POLQ: variants seen among roughly 807,000 people sequenced by gnomAD.
POLQ encodes the protein epididymis secretory sperm binding protein.
A neutral mutation model predicts 259.2 loss-of-function variants in POLQ; 233 were observed. The ratio of observed to expected loss-of-function variants is 0.90; its 90% CI spans 0.81 to 1.00. The LOEUF is 1.00. Among genes scored for constraint, POLQ ranks in the 50% least tolerant of loss-of-function variants. POLQ has a pLI of 0.00. For missense variants in POLQ, 2,871 were observed against 3,051.6 expected (o/e 0.94, Z 1.39); for synonymous variants, 1,025 against 1,048.8 (o/e 0.98, Z 0.44).
chr3:121,448,686 C>G (rs1227412996), intron 26 of POLQ, among the ~76,000 whole-genome samples: 1 of 151,722 alleles, frequency 6.6e-6, no homozygotes, highest in Non-Finnish European at 1.5e-5. Flanking sequence ...GCTTCAGTAC[C>G]AATACAAGGG....
intron 27 of POLQ, among the ~76,000 whole-genome samples, 165 bp downstream of exon 27, chr3:121,439,825 CAT>C (rs1374853705): frequency 1.3e-5 from 2 of 152,228 alleles, no homozygotes; most frequent in African/African-American, 4.8e-5. Flanking sequence ...TGGCATGTGC[CAT>C]CACTTCAGAA....
At chr3:121,536,450 TTGCCTC>T (rs2108819864) in intron 5 of POLQ, among the ~76,000 whole-genome samples, 1 of 152,266 alleles carries the variant, frequency 6.6e-6, no homozygotes, top group East Asian at 1.9e-4. Flanking sequence ...TGAAAGGTAG[TTGCCTC>T]TGAGAAGTGA....
At chr3:121,446,575 A>G (rs1206115603) in intron 26 of POLQ, among the ~76,000 whole-genome samples, 1 of 152,128 alleles carries the variant, frequency 6.6e-6, no homozygotes, top group Non-Finnish European at 1.5e-5. Flanking sequence ...CTCTCTCTTT[A>G]GCTCTAATGA....
At chr3:121,469,365 T>C (rs2047865389) in intron 22 of POLQ, among the ~76,000 whole-genome samples, 1 of 152,198 alleles carries the variant, frequency 6.6e-6, no homozygotes, top group African/African-American at 2.4e-5. Flanking sequence ...ACTAAAACTC[T>C]ATTTTATGAC....
intron 6 of POLQ, among the ~76,000 whole-genome samples, chr3:121,530,143 G>T (rs559560752): frequency 7.6e-4 from 116 of 152,176 alleles, no homozygotes; most frequent in African/African-American, 2.7e-3. Flanking sequence ...AACTTAAAAT[G>T]ATTGGACTTT....
In POLQ at chr3:121,481,827, A is replaced by C. The variant is rs371363050; in HGVS notation, c.5971-15T>G. The C allele has an allele frequency of 2.5e-6, 4 of 1,577,770 alleles. No individual in the cohort carries two copies. The stretch of plus-strand genomic sequence containing the variant: ...CAGCATGCCACCTGAATGGGATAGC[A>C]ATGAGAATATTTTCCTGATTTTTTT... On this transcript the variant is annotated splice_polypyrimidine_tract_variant and intron_variant, in intron 18 of 29. Transcript: ENST00000264233.
At chr3:121,520,750 G>A (rs1576424975) in intron 8 of POLQ, among the ~76,000 whole-genome samples, 1 of 152,162 alleles carries the variant, frequency 6.6e-6, no homozygotes, top group African/African-American at 2.4e-5. Context: ...CAGATGGTAG[G>A]CTAGACTTGA....
intron 10 of POLQ, among the ~76,000 whole-genome samples, chr3:121,511,020 G>T (rs944549198): frequency 2.0e-5 from 3 of 152,194 alleles, no homozygotes; most frequent in African/African-American, 7.2e-5. Context: ...GAGGTCAGGA[G>T]ATCGAAACCT....
intron 25 of POLQ, among the ~76,000 whole-genome samples, chr3:121,457,569 G>A (rs1269030870): frequency 6.6e-6 from 1 of 152,126 alleles, no homozygotes; most frequent in Non-Finnish European, 1.5e-5. Flanking sequence ...CAAAAAGTTG[G>A]CGAAGGACAT....
Position 121,467,585 on chromosome 3 carries a change from C to T in POLQ, c.6901G>A (p.Glu2301Lys). The change falls in exon 24 of 30, where the codon GAG becomes AAG. Residue 2301 changes from glutamate (E) to lysine (K), a missense_variant. Transcript: ENST00000264233. ...VNPRCQAQME[E>K]RAADRGMPFS... ...GGCATTCCTCTGTCTGCAGCTCTCT[C>T]CTCCATCTGTGCCTGGCATCTAGGA... 1 of 1,613,912 alleles carries T rather than the reference C, an allele frequency of 6.2e-7. No homozygotes were observed. Among genetic ancestry groups the T allele is most frequent in the Non-Finnish European group, 8.5e-7 (1 of 1,179,764 alleles).
At chr3:121,526,909 G>A (rs570080040) in intron 7 of POLQ, among the ~76,000 whole-genome samples, 4 of 152,024 alleles carry the variant, frequency 2.6e-5, no homozygotes, top group African/African-American at 9.6e-5. Flanking sequence ...GCACGCACGT[G>A]CATCTGTGGC....
chr3:121,515,394 G>A (rs575414250), intron 9 of POLQ, among the ~76,000 whole-genome samples: 1 of 152,224 alleles, frequency 6.6e-6, no homozygotes, highest in East Asian at 1.9e-4. Flanking sequence ...TAACCTCGAG[G>A]CCCAGCCTGC....
At chr3:121,463,455 CCAAA>C (rs1389294462) in intron 24 of POLQ, among the ~76,000 whole-genome samples, 1 of 152,164 alleles carries the variant, frequency 6.6e-6, no homozygotes, top group Non-Finnish European at 1.5e-5. Context: ...TAATACACCA[CCAAA>C]CAATTACCTA....
chr3:121,519,729 G>T (rs2048324773), intron 9 of POLQ, 142 bp downstream of exon 9: 1 of 624,550 alleles, frequency 1.6e-6, no homozygotes, highest in East Asian at 2.7e-5. Context: ...TAAATATTAA[G>T]TGAATCCAAA....
At chr3:121,491,229 T>C (rs1302987771) in intron 15 of POLQ, among the ~76,000 whole-genome samples, 2 of 151,302 alleles carry the variant, frequency 1.3e-5, no homozygotes, top group African/African-American at 4.9e-5. Flanking sequence ...GACATGTGCC[T>C]GTAGTCCCAG....
chr3:121,468,023 A>G (rs888871534), intron 23 of POLQ, among the ~76,000 whole-genome samples: 2 of 152,154 alleles, frequency 1.3e-5, no homozygotes, highest in African/African-American at 4.8e-5. Context: ...AGAGAGCAAG[A>G]CTCCGTCTCA....
chr3:121,506,114 A>C (rs1417454675), intron 12 of POLQ, among the ~76,000 whole-genome samples: 6 of 151,998 alleles, frequency 3.9e-5, no homozygotes, highest in Non-Finnish European at 5.9e-5. Context: ...AGAGCAAAAA[A>C]AATTTCTCAC....
rs375062046 is a variant in POLQ at position 121,493,567 on chromosome 3, A to G, written c.2433T>C (p.Tyr811=). 2 of 1,613,748 alleles carry G rather than the reference A, an allele frequency of 1.2e-6. No individual in the cohort carries two copies. Among genetic ancestry groups the G allele is most frequent in the Non-Finnish European group, 1.7e-6 (2 of 1,179,734 alleles). Residue 811 remains tyrosine, a synonymous_variant, in exon 15 of 30, where the codon TAT becomes TAC. Transcript: ENST00000264233. ...LLNAQRARVL[Y]ASGFHTVADL... Reference sequence around the variant, plus strand: ...CTGCCACAGTATGAAAGCCAGAAGCATAGAGAACCCTGGCTCTCTGAGCAT... The same window carrying G: ...CTGCCACAGTATGAAAGCCAGAAGCGTAGAGAACCCTGGCTCTCTGAGCAT...
Position 121,449,317 on chromosome 3 carries a change from G to A in POLQ, c.7262C>T (p.Thr2421Ile). ...CYIDSFKSRYTGINQFMTETV... is the reference protein window; with the variant it reads ...CYIDSFKSRYIGINQFMTETV... Reference sequence around the variant, plus strand: ...ATACTATCTAGAAGATAAATTACCTGTGTATCTGGATTTGAAGGAGTCAAT... The same window carrying A: ...ATACTATCTAGAAGATAAATTACCTATGTATCTGGATTTGAAGGAGTCAAT... Residue 2421 changes from threonine (T) to isoleucine (I), a missense_variant and splice_region_variant, in exon 26 of 30, where the codon ACA (threonine) becomes ATA (isoleucine). This residue lies in a region of POLQ where 2,080 missense variants were observed against 2,126.0 expected (regional missense o/e 0.98). Coordinates refer to ENST00000264233, the MANE Select transcript of POLQ (RefSeq NM_199420.4). 1 of 1,390,986 alleles carries A rather than the reference G, an allele frequency of 7.2e-7. No individual in the cohort carries two copies. Among genetic ancestry groups the A allele is most frequent in the Non-Finnish European group, 1.0e-6 (1 of 977,020 alleles). 86.2% of individuals were successfully genotyped at this position (1,390,986 alleles called of 1,614,324 possible).
Sources: allele counts gnomAD v4.1 joint callset (sites outside exome capture counted in the v4.1 genomes callset), GRCh38; gene constraint gnomAD v4.1.1; regional missense constraint gnomAD v4.1.1; transcripts MANE v1.5; gene names NCBI Gene and HGNC (gene_info 2026-07-23, HGNC 2026-07-21).